Variants in ZFHX3 observed in about 807,000 individuals in gnomAD.
ZFHX3 encodes the protein zinc finger homeobox protein 3.
Under a neutral mutation model 279.1 loss-of-function variants are expected in ZFHX3, and 42 were observed. The ratio of observed to expected loss-of-function variants is 0.15; its 90% CI spans 0.12 to 0.19. The LOEUF (loss-of-function observed/expected upper bound fraction) is 0.19, where lower values mean the gene tolerates loss of function less well. Ranked by LOEUF, ZFHX3 falls within the 10% of genes least tolerant of loss-of-function variation. The pLI is 1.00. For synonymous variants in ZFHX3, 2,293 were observed against 1,957.8 expected, an observed-to-expected ratio of 1.17 and a Z score of -4.52; for missense variants, 4,981 against 4,754.0, an observed-to-expected ratio of 1.05 and a Z score of -1.40.
At chr16:73,663,265 T>C (rs1323952155) in intron 2 of ZFHX3, among the ~76,000 whole-genome samples, 1 of 152,204 alleles carries the variant, frequency 6.6e-6, no homozygotes, top group African/African-American at 2.4e-5. Flanking sequence ...TTTGTCTAAT[T>C]GACTCTCCTT....
At chr16:73,614,032 TC>T (rs1279579665) in intron 2 of ZFHX3, among the ~76,000 whole-genome samples, 3 of 152,230 alleles carry the variant, frequency 2.0e-5, no homozygotes, top group Non-Finnish European at 4.4e-5. Context: ...ACCTCCATCT[TC>T]TGCTGCCTGA....
intron 1 of ZFHX3, among the ~76,000 whole-genome samples, chr16:73,735,898 T>G (rs79921915): frequency 2.0e-5 from 3 of 149,662 alleles, no homozygotes; most frequent in Admixed American, 6.6e-5. Context: ...TCCGTTTTTT[T>G]TTTTTTTTTT....
At chr16:73,846,592 G>C (rs1454852686) in intron 1 of ZFHX3, among the ~76,000 whole-genome samples, 1 of 152,132 alleles carries the variant, frequency 6.6e-6, no homozygotes, top group Non-Finnish European at 1.5e-5. Flanking sequence ...TAATTACCTT[G>C]TAAATATGCA....
intron 8 of ZFHX3, among the ~76,000 whole-genome samples, chr16:73,074,404 G>A (rs893971843): frequency 3.9e-5 from 6 of 152,302 alleles, no homozygotes; most frequent in Non-Finnish European, 8.8e-5. Context: ...TACCTGTGAT[G>A]ATGTGGAAAT....
At chr16:73,184,176 C>T (rs1967862171) in intron 5 of ZFHX3, among the ~76,000 whole-genome samples, 1 of 152,126 alleles carries the variant, frequency 6.6e-6, no homozygotes, top group African/African-American at 2.4e-5. Context: ...TGTCCCACCT[C>T]CAGGGGTGCT....
At chr16:73,749,143 C>T (rs1033683943) in intron 1 of ZFHX3, among the ~76,000 whole-genome samples, 10 of 152,120 alleles carry the variant, frequency 6.6e-5, no homozygotes, top group African/African-American at 1.4e-4. Flanking sequence ...CACTAGATCC[C>T]GCCATATTGG....
intron 2 of ZFHX3, among the ~76,000 whole-genome samples, chr16:73,668,723 A>T (rs1279669596): frequency 7.2e-5 from 11 of 152,156 alleles, no homozygotes; most frequent in Non-Finnish European, 1.5e-4. Context: ...TTTACAAGAA[A>T]AAAACAACCC....
chr16:73,147,257 G>C (rs1428300192), intron 5 of ZFHX3, among the ~76,000 whole-genome samples: 1 of 152,100 alleles, frequency 6.6e-6, no homozygotes, highest in African/African-American at 2.4e-5. Flanking sequence ...AGGTACAACG[G>C]GGATGAATTT....
chr16:73,764,243 G>A lies in ZFHX3; in HGVS notation c.-1607-84003C>T, dbSNP rs76137975. ...TCCCTGCTCACTTCTTGCCCCCAAC[G>A]CTTTTGCTCTTTGACATTGCTTGCT... On this transcript the variant is annotated intron_variant, in intron 1 of 17. Coordinates refer to the ZFHX3 transcript ENST00000641206. Among the ~76,000 whole-genome samples the A allele has an allele frequency of 1.4e-3, 215 of 152,260 alleles. 1 individual carries two copies. The highest frequency in any genetic ancestry group is 4.9e-3 in the African/African-American group (204 of 41,558).
intron 4 of ZFHX3, among the ~76,000 whole-genome samples, chr16:73,280,027 G>A (rs146083880): frequency 3.3e-5 from 5 of 152,242 alleles, no homozygotes; most frequent in African/African-American, 1.2e-4. Flanking sequence ...GAAAATGACA[G>A]TCTCTTCAAT....
At chr16:73,605,700 G>A (rs934195177) in intron 2 of ZFHX3, among the ~76,000 whole-genome samples, 9 of 151,582 alleles carry the variant, frequency 5.9e-5, no homozygotes, top group Admixed American at 5.9e-4. Context: ...AGAACTGGGG[G>A]GCTGGAGAGA....
chr16:73,823,887 G>A (rs576662270), intron 1 of ZFHX3, among the ~76,000 whole-genome samples: 1 of 152,164 alleles, frequency 6.6e-6, no homozygotes, highest in African/African-American at 2.4e-5. Flanking sequence ...AAGAGTCATA[G>A]GAGGGAAAAG....
intron 2 of ZFHX3, among the ~76,000 whole-genome samples, chr16:73,511,905 A>G (rs2019434012): frequency 6.6e-6 from 1 of 151,946 alleles, no homozygotes; most frequent in Non-Finnish European, 1.5e-5. Context: ...GGCAAAAGCA[A>G]CCTCCCCTCA....
At chr16:73,252,063 C>T (rs749252138) in intron 5 of ZFHX3, among the ~76,000 whole-genome samples, 6 of 152,070 alleles carry the variant, frequency 3.9e-5, no homozygotes, top group African/African-American at 7.2e-5. Flanking sequence ...GGGGAATTAG[C>T]CAGTCAGTAA....
intron 4 of ZFHX3, among the ~76,000 whole-genome samples, chr16:73,296,060 T>C (rs998147148): frequency 8.6e-5 from 12 of 139,902 alleles, no homozygotes; most frequent in African/African-American, 3.0e-4. Context: ...AGCCCTTTCA[T>C]TACAATCCCG....
intron 5 of ZFHX3, among the ~76,000 whole-genome samples, chr16:72,819,048 C>T (rs1194215140): frequency 1.3e-5 from 2 of 152,122 alleles, no homozygotes; most frequent in African/African-American, 4.8e-5. Context: ...GTTATTATTA[C>T]GATTTTACTT....
chr16:72,980,350 T>C (rs1331706654), intron 1 of ZFHX3, among the ~76,000 whole-genome samples: 4 of 152,170 alleles, frequency 2.6e-5, no homozygotes, highest in Non-Finnish European at 4.4e-5. Flanking sequence ...AAACAACAGC[T>C]AGATGCGCTA....
intron 5 of ZFHX3, among the ~76,000 whole-genome samples, chr16:73,154,888 T>A (rs1967034960): frequency 6.6e-6 from 1 of 152,094 alleles, no homozygotes; most frequent in East Asian, 1.9e-4. Context: ...AAAGATATTT[T>A]TGGGATTACA....
At chr16:73,196,395 T>C (rs995602543) in intron 5 of ZFHX3, among the ~76,000 whole-genome samples, 3 of 152,068 alleles carry the variant, frequency 2.0e-5, no homozygotes, top group African/African-American at 4.8e-5. Flanking sequence ...CAATTTCCCA[T>C]CCTGATGGCT....
Sources: gnomAD v4.1 joint callset for allele counts (sites outside exome capture counted in the v4.1 genomes callset) on GRCh38, gnomAD v4.1.1 for gene constraint, MANE v1.5 for transcripts, NCBI Gene and HGNC (gene_info 2026-07-23, HGNC 2026-07-21) for gene names.